Variants in CATSPERB observed in about 807,000 individuals in gnomAD.
CATSPERB encodes catsper channel auxiliary subunit beta.
A neutral mutation model predicts 128.3 loss-of-function variants in CATSPERB; 93 were observed. The ratio of observed to expected loss-of-function variants is 0.72; its 90% CI spans 0.61 to 0.86. CATSPERB has a LOEUF of 0.86. Among genes scored for constraint, CATSPERB ranks in the 40% least tolerant of loss-of-function variants. The pLI is 0.00. For missense variants in CATSPERB, 1,153 were observed against 1,329.5 expected (o/e 0.87, Z 2.06); for synonymous variants, 381 against 448.8 (o/e 0.85, Z 1.91).
chr14:91,614,123 C>T (rs886150715), intron 20 of CATSPERB, among the ~76,000 whole-genome samples: 2 of 152,170 alleles, frequency 1.3e-5, no homozygotes, highest in Non-Finnish European at 2.9e-5. Flanking sequence ...CTGAGGACCC[C>T]GCACCCCTCC....
intron 14 of CATSPERB, among the ~76,000 whole-genome samples, chr14:91,662,896 A>C (rs2756165): frequency 1.3e-5 from 2 of 151,862 alleles, no homozygotes; most frequent in East Asian, 3.8e-4. Context: ...TGTCTTTTTC[A>C]TATTGCTTTG....
At chr14:91,593,680 G>A (rs1893450369) in intron 22 of CATSPERB, among the ~76,000 whole-genome samples, 1 of 152,150 alleles carries the variant, frequency 6.6e-6, no homozygotes, top group East Asian at 1.9e-4. Context: ...TGTCTCACAT[G>A]AGACTTTGTA....
At position 91,588,030 on chromosome 14, in the gene CATSPERB, G is replaced by A. The variant is rs777354519; in HGVS notation, c.3005C>T (p.Pro1002Leu). ...NIKRMKQLVE[P>L]ILGAAVYNPS... ...ATTATACACTGCAGCACCAAGAATT[G>A]GTTCTACTAATTGTTTCATTCTTTT... Residue 1002 changes from proline to leucine, a missense_variant, in exon 25 of 27, where the codon CCA becomes CTA. Physicochemically the swap from Pro to Leu is moderately conservative, Grantham distance 98 (BLOSUM62 -3). Coordinates refer to ENST00000256343, the MANE Select transcript of CATSPERB (RefSeq NM_024764.4). 1 of 1,611,898 alleles carries A rather than the reference G, an allele frequency of 6.2e-7. No homozygotes were observed. Among genetic ancestry groups the A allele is most frequent in the East Asian group, 2.2e-5 (1 of 44,780 alleles).
chr14:91,581,170 T>G, intron 26 of CATSPERB, 63 bp from the exon 27 acceptor site: 1 of 1,318,488 alleles, frequency 7.6e-7, no homozygotes, highest in Non-Finnish European at 1.1e-6. Flanking sequence ...CACTGAAAAT[T>G]TAATGTTCCC....
intron 13 of CATSPERB, among the ~76,000 whole-genome samples, chr14:91,671,762 T>A (rs1371316402): frequency 6.6e-6 from 1 of 152,008 alleles, no homozygotes; most frequent in Non-Finnish European, 1.5e-5. Context: ...CCAGGCTCGG[T>A]GGCTCACGCT....
At chr14:91,594,472 T>A (rs61991985) in intron 22 of CATSPERB, among the ~76,000 whole-genome samples, 20,406 of 142,668 alleles carry the variant, frequency 0.14, 1,469 homozygotes, top group Non-Finnish European at 0.17. Context: ...AAACTTAAAG[T>A]ATAATAATAA....
In CATSPERB at chr14:91,722,128, G is replaced by A. The variant is rs1313839864; in HGVS notation, c.309+921C>T. Among the ~76,000 whole-genome samples, 5 of 152,142 alleles carry A rather than the reference G, an allele frequency of 3.3e-5. No homozygotes were observed. In the East Asian group the frequency reaches 7.7e-4, roughly 23 times the overall value. On this transcript the variant is annotated intron_variant, in intron 4 of 26. Transcript: ENST00000256343. ...TACAACCACTTTAGAAAACAGTCTG[G>A]CATTTTCTCAAAAGGTCAAACATGG...
In CATSPERB at chr14:91,723,239, A is replaced by G. The variant is rs371833631; in HGVS notation, c.169-50T>C. ...AACAACTAATAACCACTTGATGCAG[A>G]CACACAAGTTAGTTAATCTAAAAGT... On this transcript the variant is annotated intron_variant, in intron 3 of 26. Coordinates refer to ENST00000256343, the MANE Select transcript of CATSPERB (RefSeq NM_024764.4). 3.3e-5 allele frequency: 44 copies of G among 1,339,416 alleles called. No homozygotes were observed. The African/African-American group carries it at 5.2e-4, about 16-fold the overall frequency. 83.0% of individuals were successfully genotyped at this position (1,339,416 alleles called of 1,614,324 possible).
intron 22 of CATSPERB, among the ~76,000 whole-genome samples, chr14:91,607,338 A>G (rs1893729684): frequency 6.6e-6 from 1 of 152,146 alleles, no homozygotes; most frequent in Admixed American, 6.5e-5. Context: ...GATGGGGGTT[A>G]TGATTCTAAA....
intron 5 of CATSPERB, among the ~76,000 whole-genome samples, chr14:91,714,645 T>C (rs1420018130): frequency 6.7e-6 from 1 of 149,332 alleles, no homozygotes; most frequent in Admixed American, 6.8e-5. Flanking sequence ...CTGCAACCTC[T>C]GCCTCCTGGG....
At chr14:91,607,089 G>A (rs527767956) in intron 22 of CATSPERB, among the ~76,000 whole-genome samples, 2 of 119,760 alleles carry the variant, frequency 1.7e-5, no homozygotes, top group Non-Finnish European at 3.5e-5. Context: ...GTGGGCGGGG[G>A]GGGGGGGGGC....
Position 91,587,246 on chromosome 14 carries a change from C to G in CATSPERB, c.3088G>C (p.Val1030Leu). 1 of 1,605,316 alleles carries G rather than the reference C, an allele frequency of 6.2e-7. No homozygotes were observed. The highest frequency in any genetic ancestry group is 1.7e-5 in the Admixed American group (1 of 58,538). Residue 1030 changes from valine (V) to leucine (L), a missense_variant, in exon 26 of 27, where the codon GTC becomes CTC. By Grantham distance (32) the Val-to-Leu change is conservative. Coordinates refer to ENST00000256343, the MANE Select transcript of CATSPERB (RefSeq NM_024764.4). ...GSELFHFRVT[V>L]ISGVTFCNLI... ...TTACAAAAAGTTACTCCTGAAATGACGGTCACTCTAAAGTGGAAAAGTTCA... is the reference window on the plus strand; with the variant it reads ...TTACAAAAAGTTACTCCTGAAATGAGGGTCACTCTAAAGTGGAAAAGTTCA...
At chr14:91,634,057 AC>A (rs1438770622) in intron 17 of CATSPERB, among the ~76,000 whole-genome samples, 1 of 152,322 alleles carries the variant, frequency 6.6e-6, no homozygotes, top group East Asian at 1.9e-4. Context: ...TTCACATATT[AC>A]TTTTAATTCC....
chr14:91,661,858 G>A (rs537702193), intron 14 of CATSPERB, among the ~76,000 whole-genome samples: 1 of 152,128 alleles, frequency 6.6e-6, no homozygotes, highest in South Asian at 2.1e-4. Context: ...CTACCCAAGT[G>A]CTCTTCAGTT....
At chr14:91,634,459 T>A (rs1894333363) in intron 17 of CATSPERB, among the ~76,000 whole-genome samples, 1 of 151,962 alleles carries the variant, frequency 6.6e-6, no homozygotes, top group South Asian at 2.1e-4. Flanking sequence ...GTATGGAAAT[T>A]TCTCAAAGAA....
chr14:91,707,640 C>T (rs1211757034), intron 6 of CATSPERB, among the ~76,000 whole-genome samples: 2 of 119,464 alleles, frequency 1.7e-5, no homozygotes, highest in African/African-American at 6.4e-5. Context: ...ACTCTGTTGC[C>T]CAGGCTGGAA....
In CATSPERB at chr14:91,719,420, G is replaced by A; in HGVS notation, c.368C>T (p.Thr123Ile). 1.2e-6 allele frequency: 2 copies of A among 1,608,952 alleles called. No individual in the cohort carries two copies. Among genetic ancestry groups the A allele is most frequent in the Non-Finnish European group, 1.7e-6 (2 of 1,176,490 alleles). ...DIPRENITQS[T>I]DIAAVEEWLV... ...GAATTAATTCAGATCACTCTTACCT[G>A]TGCTTTGTGTGATGTTTTCTCTAGG... Residue 123 changes from threonine to isoleucine, a missense_variant and splice_region_variant, in exon 5 of 27, where the codon ACA (threonine) becomes ATA (isoleucine). By Grantham distance (89) the Thr-to-Ile change is moderately conservative. Coordinates refer to ENST00000256343, the MANE Select transcript of CATSPERB (RefSeq NM_024764.4).
intron 15 of CATSPERB, among the ~76,000 whole-genome samples, chr14:91,657,769 G>A (rs1009388809): frequency 4.6e-5 from 7 of 152,170 alleles, no homozygotes; most frequent in African/African-American, 1.7e-4. Context: ...ATGAAAAGGT[G>A]CTCAACATCA....
chr14:91,731,248 C>A (rs541186795), intron 1 of CATSPERB, among the ~76,000 whole-genome samples: 1 of 152,280 alleles, frequency 6.6e-6, no homozygotes, highest in South Asian at 2.1e-4. Flanking sequence ...TTCTTATCTG[C>A]CATCCTGCAA....
Sources: allele counts gnomAD v4.1 joint callset (sites outside exome capture counted in the v4.1 genomes callset), GRCh38; gene constraint gnomAD v4.1.1; transcripts MANE v1.5; gene names NCBI Gene and HGNC (gene_info 2026-07-23, HGNC 2026-07-21).